The following CNTNAP2 variants were observed in gnomAD, a reference collection of about 807,000 sequenced individuals.
The protein encoded by CNTNAP2 is contactin-associated protein-like 2.
CNTNAP2 carries 98 observed loss-of-function variants against 155.2 expected under a neutral mutation model. That is an observed-to-expected ratio of 0.63 (90% CI 0.54 to 0.75). CNTNAP2 has a LOEUF of 0.75. CNTNAP2 is among the 30% of genes least tolerant of loss of function. The probability of loss-of-function intolerance (pLI) is 0.00; values close to 1 mark genes in which losing one functional copy is unlikely to be tolerated. For missense variants in CNTNAP2, 1,727 were observed against 1,688.1 expected, an observed-to-expected ratio of 1.02 and a Z score of -0.40; for synonymous variants, 651 against 631.2, an observed-to-expected ratio of 1.03 and a Z score of -0.47.
intron 13 of CNTNAP2, among the ~76,000 whole-genome samples, chr7:147,894,512 C>T (rs1379213500): frequency 1.3e-5 from 2 of 152,140 alleles, no homozygotes; most frequent in African/African-American, 4.8e-5. Flanking sequence ...TGCAAGGGTA[C>T]CTGTTCTATT....
intron 4 of CNTNAP2, among the ~76,000 whole-genome samples, chr7:147,074,810 G>T (rs1799964193): frequency 6.6e-6 from 1 of 152,070 alleles, no homozygotes. Context: ...AAGTGAGATT[G>T]CCATCAAGAA....
intron 18 of CNTNAP2, among the ~76,000 whole-genome samples, chr7:148,207,259 C>A (rs1795465576): frequency 6.6e-6 from 1 of 152,192 alleles, no homozygotes. Flanking sequence ...ATGGAGCTCA[C>A]GCAGAATCGA....
rs866552159 is a variant in CNTNAP2 at position 146,818,996 on chromosome 7, A to G, written c.209-20715A>G. 1.7e-4 allele frequency among the ~76,000 whole-genome samples: 26 copies of G among 152,192 alleles called. 1 individual carries two copies. The highest frequency in any genetic ancestry group is 7.2e-4 in the Admixed American group (11 of 15,282). On this transcript the variant is annotated intron_variant, in intron 2 of 23. Transcript: ENST00000361727. ...AAATGTGGAGTTTTATTCTATACCAATCCTGAATCATATTATTTATAATTT... is the reference window on the plus strand; with the variant it reads ...AAATGTGGAGTTTTATTCTATACCAGTCCTGAATCATATTATTTATAATTT...
chr7:147,202,012 G>A (rs1802931728), intron 8 of CNTNAP2, among the ~76,000 whole-genome samples: 1 of 151,956 alleles, frequency 6.6e-6, no homozygotes, highest in African/African-American at 2.4e-5. Context: ...TAGCATATCT[G>A]TACCAATAAA....
chr7:146,282,651 C>A (rs1378716084), intron 1 of CNTNAP2, among the ~76,000 whole-genome samples: 1 of 152,048 alleles, frequency 6.6e-6, no homozygotes, highest in Non-Finnish European at 1.5e-5. Flanking sequence ...GGAGTAAGTT[C>A]CTGAGACATC....
chr7:147,931,109 A>G (rs890993851), intron 14 of CNTNAP2, among the ~76,000 whole-genome samples: 7 of 152,132 alleles, frequency 4.6e-5, no homozygotes, highest in East Asian at 3.9e-4. Flanking sequence ...CAAATCAACA[A>G]CCTAACATAC....
At chr7:147,274,052 A>C (rs552445525) in intron 8 of CNTNAP2, among the ~76,000 whole-genome samples, 1 of 151,382 alleles carries the variant, frequency 6.6e-6, no homozygotes, top group African/African-American at 2.4e-5. Context: ...AGACACACAC[A>C]CAAACACAGA....
intron 18 of CNTNAP2, among the ~76,000 whole-genome samples, chr7:148,205,476 A>G (rs905501641): frequency 6.6e-6 from 1 of 152,262 alleles, no homozygotes; most frequent in Admixed American, 6.5e-5. Context: ...CCTCTGCACA[A>G]CTATGTTGCA....
At chr7:146,904,133 T>C (rs1172285504) in intron 3 of CNTNAP2, among the ~76,000 whole-genome samples, 1 of 152,178 alleles carries the variant, frequency 6.6e-6, no homozygotes, top group Non-Finnish European at 1.5e-5. Flanking sequence ...ATCTTAATGA[T>C]TTCACCAATA....
chr7:147,442,052 A>AG (rs922262168), intron 10 of CNTNAP2, among the ~76,000 whole-genome samples: 12 of 152,090 alleles, frequency 7.9e-5, no homozygotes, highest in African/African-American at 2.7e-4. Context: ...GGGACTCAGC[A>AG]GGGGGCAAAA....
intron 1 of CNTNAP2, among the ~76,000 whole-genome samples, chr7:146,294,003 A>G (rs1358045237): frequency 1.3e-5 from 2 of 152,120 alleles, no homozygotes; most frequent in African/African-American, 4.8e-5. Context: ...CAGTTTCTGA[A>G]AAGATTTCCG....
intron 4 of CNTNAP2, among the ~76,000 whole-genome samples, chr7:147,090,353 T>TG (rs760274084): frequency 0.022 from 2,900 of 133,506 alleles, 44 homozygotes; most frequent in Middle Eastern, 0.053. Flanking sequence ...GTGTGTGTGT[T>TG]ACAATTCTCT....
chr7:147,667,825 TA>T (rs968743025), intron 13 of CNTNAP2, among the ~76,000 whole-genome samples: 1 of 139,320 alleles, frequency 7.2e-6, no homozygotes, highest in African/African-American at 2.7e-5. Context: ...AAAAATAAAA[TA>T]AAAAAATAAA....
At chr7:147,532,475 C>T (rs755017376) in intron 11 of CNTNAP2, among the ~76,000 whole-genome samples, 4 of 152,188 alleles carry the variant, frequency 2.6e-5, no homozygotes, top group Non-Finnish European at 5.9e-5. Flanking sequence ...CAAACTTTCC[C>T]ACATTTTCTG....
At chr7:147,496,457 A>C (rs1798709535) in intron 11 of CNTNAP2, among the ~76,000 whole-genome samples, 1 of 152,154 alleles carries the variant, frequency 6.6e-6, no homozygotes, top group Non-Finnish European at 1.5e-5. Flanking sequence ...CACTTCTTTA[A>C]CTATTAACAT....
intron 14 of CNTNAP2, among the ~76,000 whole-genome samples, chr7:147,909,963 C>T (rs1257286133): frequency 2.6e-5 from 4 of 152,178 alleles, no homozygotes; most frequent in African/African-American, 9.7e-5. Flanking sequence ...TGCTCTCTTT[C>T]GCTGACCCTA....
chr7:147,816,469 A>G (rs1584970804), intron 13 of CNTNAP2, among the ~76,000 whole-genome samples: 1 of 152,274 alleles, frequency 6.6e-6, no homozygotes, highest in East Asian at 1.9e-4. Context: ...ATCTTATGGA[A>G]ATGTAGGGTA....
At chr7:146,323,475 C>T (rs777399967) in intron 1 of CNTNAP2, among the ~76,000 whole-genome samples, 30 of 151,858 alleles carry the variant, frequency 2.0e-4, no homozygotes, top group South Asian at 4.2e-4. Context: ...TGAAAGTTAA[C>T]GGCTATATAG....
intron 1 of CNTNAP2, among the ~76,000 whole-genome samples, chr7:146,301,698 A>T (rs956728185): frequency 3.3e-5 from 5 of 152,164 alleles, no homozygotes; most frequent in Admixed American, 3.3e-4. Context: ...CTGCCTACCT[A>T]TAATGTCCAA....
Sources: gnomAD v4.1 joint callset for allele counts (sites outside exome capture counted in the v4.1 genomes callset) on GRCh38, gnomAD v4.1.1 for gene constraint, MANE v1.5 for transcripts, NCBI Gene and HGNC (gene_info 2026-07-23, HGNC 2026-07-21) for gene names.